GRM7: variants seen among roughly 807,000 people sequenced by gnomAD.
GRM7 encodes metabotropic glutamate receptor 7.
A neutral mutation model predicts 84.5 loss-of-function variants in GRM7; 35 were observed. That is an observed-to-expected ratio of 0.41 (90% CI 0.32 to 0.55). The LOEUF (loss-of-function observed/expected upper bound fraction) is 0.55, where lower values mean the gene tolerates loss of function less well. GRM7 is among the 20% of genes least tolerant of loss of function. GRM7 has a pLI of 0.19. For missense variants in GRM7, 1,003 were observed against 1,194.6 expected, an observed-to-expected ratio of 0.84 and a Z score of 2.36; for synonymous variants, 487 against 455.1, an observed-to-expected ratio of 1.07 and a Z score of -0.89.
chr3:7,737,537 T>A (rs1179883063), intron 9 of GRM7, among the ~76,000 whole-genome samples: 1 of 152,196 alleles, frequency 6.6e-6, no homozygotes, highest in Non-Finnish European at 1.5e-5. Context: ...ATAAATGGAA[T>A]TATCAGACAC....
chr3:7,468,651 A>T (rs1372913655), intron 7 of GRM7, among the ~76,000 whole-genome samples: 1 of 152,130 alleles, frequency 6.6e-6, no homozygotes, highest in Non-Finnish European at 1.5e-5. Context: ...TATAATCCCC[A>T]TGTGTTGAGG....
At chr3:6,888,922 A>G (rs1456792331) in intron 1 of GRM7, among the ~76,000 whole-genome samples, 1 of 152,106 alleles carries the variant, frequency 6.6e-6, no homozygotes, top group African/African-American at 2.4e-5. Flanking sequence ...AGTGGTTTGT[A>G]GTTCTCCTTG....
At chr3:6,944,345 G>T (rs74890499) in intron 1 of GRM7, among the ~76,000 whole-genome samples, 1 of 152,204 alleles carries the variant, frequency 6.6e-6, no homozygotes, top group African/African-American at 2.4e-5. Flanking sequence ...GGTTGAGGAA[G>T]TTCCCCTTTT....
chr3:7,548,197 C>T (rs187818717), intron 7 of GRM7, among the ~76,000 whole-genome samples: 15 of 152,326 alleles, frequency 9.8e-5, no homozygotes, highest in Non-Finnish European at 1.8e-4. Context: ...TGAATGTCTT[C>T]GTGCCATCCT....
chr3:7,643,799 GAGA>G (rs1400830869), intron 8 of GRM7, among the ~76,000 whole-genome samples: 1 of 152,120 alleles, frequency 6.6e-6, no homozygotes, highest in African/African-American at 2.4e-5. Context: ...TTTACATGTG[GAGA>G]AGGAGAGAAA....
At chr3:7,222,361 C>A (rs1489500621) in intron 2 of GRM7, among the ~76,000 whole-genome samples, 2 of 151,850 alleles carry the variant, frequency 1.3e-5, no homozygotes, top group East Asian at 3.9e-4. Flanking sequence ...ACTCCCAACC[C>A]CCACCGCGAA....
intron 7 of GRM7, among the ~76,000 whole-genome samples, chr3:7,481,635 G>A (rs1699132884): frequency 6.6e-6 from 1 of 152,162 alleles, no homozygotes; most frequent in Non-Finnish European, 1.5e-5. Context: ...AACTCTTATT[G>A]CTATGTGTGG....
intron 8 of GRM7, among the ~76,000 whole-genome samples, chr3:7,602,655 T>G (rs1696373754): frequency 6.6e-6 from 1 of 152,156 alleles, no homozygotes; most frequent in Non-Finnish European, 1.5e-5. Context: ...AAATCTTTCT[T>G]TATGAAGATG....
chr3:7,372,034 G>A (rs888692038), intron 4 of GRM7, among the ~76,000 whole-genome samples: 1 of 152,126 alleles, frequency 6.6e-6, no homozygotes, highest in African/African-American at 2.4e-5. Flanking sequence ...AGCAGGGCCT[G>A]ATAGGAGAGA....
chr3:7,728,793 C>G (rs1183710724), intron 9 of GRM7, among the ~76,000 whole-genome samples: 4 of 152,200 alleles, frequency 2.6e-5, no homozygotes, highest in Non-Finnish European at 5.9e-5. Context: ...GTCTGTGTGA[C>G]TGTTAGGAAG....
At position 7,576,841 on chromosome 3, in the gene GRM7, C is replaced by T. The variant is rs535193622; in HGVS notation, c.1516-1581C>T. 1.0e-4 allele frequency among the ~76,000 whole-genome samples: 14 copies of T among 136,346 alleles called. No individual in the cohort carries two copies. In the East Asian group the frequency reaches 1.2e-3, roughly 12 times the overall value. The allele number at this position is 136,346 out of a possible 152,430, so 89.4% of individuals were successfully genotyped here. ...GCATATATTGCTCAGGACTCTTGGT[C>T]GCAAGTATTAACAATAAACTTCAAA... On this transcript the variant is annotated intron_variant, in intron 7 of 9. Transcript: ENST00000357716.
At chr3:7,634,743 G>A (rs898128959) in intron 8 of GRM7, among the ~76,000 whole-genome samples, 4 of 151,006 alleles carry the variant, frequency 2.6e-5, no homozygotes, top group Non-Finnish European at 1.5e-5. Context: ...GCAGTGAGCC[G>A]AGATCGCGCC....
chr3:7,461,581 A>T lies in GRM7; in HGVS notation c.1376-2A>T. ...ATCTTTCATTTTTTCTGTCTTCCTTAGGTAGTGCTGGCACTCCAGTGATGT... is the reference window on the plus strand; with the variant it reads ...ATCTTTCATTTTTTCTGTCTTCCTTTGGTAGTGCTGGCACTCCAGTGATGT... On this transcript the variant is annotated splice_acceptor_variant, in intron 6 of 9. Transcript: ENST00000357716. LOFTEE classifies it high-confidence loss of function. 6.2e-7 allele frequency: 1 copy of T among 1,610,300 alleles called. No homozygotes were observed. The highest frequency in any genetic ancestry group is 8.5e-7 in the Non-Finnish European group (1 of 1,176,626).
rs1191976916 is a variant in GRM7, at chr3:7,677,270, A to AAAAAC, written c.2452-2775_2452-2774insCAAAA. On this transcript the variant is annotated intron_variant, in intron 8 of 9. Coordinates refer to ENST00000357716, the MANE Select transcript of GRM7 (RefSeq NM_000844.4). The stretch of plus-strand genomic sequence containing the variant: ...GAGGGAGACTCTGTCTTTAAAAAAA[A>AAAAAC]AAAAAAAAAAAAAAAAAAAAAAAAC... Among the ~76,000 whole-genome samples, 112 of 66,900 alleles carry AAAAAC rather than the reference A, an allele frequency of 1.7e-3. 1 individual carries two copies. Among genetic ancestry groups the AAAAAC allele is most frequent in the African/African-American group, 2.6e-3 (70 of 27,160 alleles). 43.9% of individuals were successfully genotyped at this position (66,900 alleles called of 152,430 possible).
intron 1 of GRM7, among the ~76,000 whole-genome samples, chr3:6,879,696 G>A (rs546179135): frequency 1.3e-5 from 2 of 152,292 alleles, no homozygotes; most frequent in South Asian, 4.1e-4. Context: ...TAGAATAGGA[G>A]GATAACTATG....
intron 1 of GRM7, among the ~76,000 whole-genome samples, chr3:6,902,489 C>T (rs1380633360): frequency 6.6e-6 from 1 of 152,002 alleles, no homozygotes; most frequent in African/African-American, 2.4e-5. Flanking sequence ...TACAGAAAAT[C>T]CAAGTTAAAT....
At chr3:7,657,049 G>C (rs1233853432) in intron 8 of GRM7, among the ~76,000 whole-genome samples, 1 of 152,136 alleles carries the variant, frequency 6.6e-6, no homozygotes, top group African/African-American at 2.4e-5. Flanking sequence ...CTAATAACTA[G>C]AAAATGAGTG....
At chr3:7,263,288 C>A (rs1045913250) in intron 2 of GRM7, among the ~76,000 whole-genome samples, 2 of 152,170 alleles carry the variant, frequency 1.3e-5, no homozygotes, top group African/African-American at 4.8e-5. Context: ...GTTGGTATAA[C>A]CTGCTGCGCT....
chr3:6,903,297 A>G (rs1696460149), intron 1 of GRM7, among the ~76,000 whole-genome samples: 1 of 151,544 alleles, frequency 6.6e-6, no homozygotes, highest in Non-Finnish European at 1.5e-5. Context: ...GTCACTTCAC[A>G]TGCAATCTCC....
Sources: allele counts gnomAD v4.1 joint callset (sites outside exome capture counted in the v4.1 genomes callset), GRCh38; gene constraint gnomAD v4.1.1; transcripts MANE v1.5; gene names NCBI Gene and HGNC (gene_info 2026-07-23, HGNC 2026-07-21).